Variants in NLGN4X observed in about 807,000 individuals in gnomAD.
NLGN4X encodes neuroligin-4, X-linked.
A neutral mutation model predicts 40.3 loss-of-function variants in NLGN4X; 3 were observed. That is an observed-to-expected ratio of 0.07 (90% CI 0.03 to 0.19). The LOEUF (loss-of-function observed/expected upper bound fraction) is 0.19. Among genes scored for constraint, NLGN4X ranks in the 10% least tolerant of loss-of-function variants. NLGN4X has a pLI of 1.00. For synonymous variants in NLGN4X, 270 were observed against 306.8 expected (o/e 0.88, Z 1.25); for missense variants, 382 against 708.3 (o/e 0.54, Z 5.23).
At chrX:6,033,403 C>G (rs1342911528) in intron 2 of NLGN4X, among the ~76,000 whole-genome samples, 1 of 112,316 alleles carries the variant, frequency 8.9e-6, no homozygotes, top group Non-Finnish European at 1.9e-5. Context: ...CCACTATTCA[C>G]TCTTGTTTTC....
At chrX:5,928,962 G>A (rs961658920) in intron 3 of NLGN4X, among the ~76,000 whole-genome samples, 19 of 109,147 alleles carry the variant, frequency 1.7e-4, no homozygotes, top group African/African-American at 6.0e-4. Flanking sequence ...TGGGACTATA[G>A]ACATGCACCA....
chrX:6,117,965 GA>G (rs1409894017), intron 2 of NLGN4X, among the ~76,000 whole-genome samples: 1 of 110,457 alleles, frequency 9.1e-6, no homozygotes, highest in Non-Finnish European at 1.9e-5. Flanking sequence ...AAAAAAAAAT[GA>G]AGCTTTCATA....
At chrX:5,909,862 T>C (rs2032399969) in intron 3 of NLGN4X, among the ~76,000 whole-genome samples, 1 of 111,298 alleles carries the variant, frequency 9.0e-6, no homozygotes, top group East Asian at 2.8e-4. Flanking sequence ...GCGAAAATAT[T>C]AGTCACATAC....
chrX:6,051,257 A>C (rs1005410043), intron 2 of NLGN4X, among the ~76,000 whole-genome samples: 24 of 112,126 alleles, frequency 2.1e-4, no homozygotes, highest in Non-Finnish European at 4.1e-4. Context: ...ACACAGCAAG[A>C]GATTAACTCT....
intron 2 of NLGN4X, among the ~76,000 whole-genome samples, chrX:6,139,753 C>T (rs1209558619): frequency 5.4e-5 from 6 of 112,040 alleles, no homozygotes; most frequent in Admixed American, 4.8e-4. Context: ...GGGGCTTTCC[C>T]ACTCACTTTT....
chrX:6,023,016 C>A (rs182238578), intron 3 of NLGN4X, among the ~76,000 whole-genome samples: 2 of 112,046 alleles, frequency 1.8e-5, no homozygotes, highest in African/African-American at 6.5e-5. Flanking sequence ...AGAAAGACAA[C>A]TTCAGAAGAC....
At chrX:5,958,817 T>C (rs954250381) in intron 3 of NLGN4X, among the ~76,000 whole-genome samples, 2 of 112,359 alleles carry the variant, frequency 1.8e-5, no homozygotes, top group Non-Finnish European at 3.8e-5. Context: ...TATCGCAGTT[T>C]TAATATAACC....
chrX:6,202,994 A>C (rs1923759610), intron 1 of NLGN4X, among the ~76,000 whole-genome samples: 1 of 111,972 alleles, frequency 8.9e-6, no homozygotes, highest in Non-Finnish European at 1.9e-5. Context: ...CATTTCCTCA[A>C]TCTCTACCAC....
chrX:6,079,043 G>A (rs955653301), intron 2 of NLGN4X, among the ~76,000 whole-genome samples: 4 of 111,711 alleles, frequency 3.6e-5, no homozygotes, highest in Non-Finnish European at 7.5e-5. Context: ...CTTTTGCCAT[G>A]ATTGTAAATT....
intron 2 of NLGN4X, among the ~76,000 whole-genome samples, chrX:6,140,035 T>C (rs1265296856): frequency 9.0e-6 from 1 of 111,332 alleles, no homozygotes; most frequent in African/African-American, 3.3e-5. Flanking sequence ...TGTTCCCTTG[T>C]TGAGTGAATG....
chrX:6,077,473 G>A (rs1393561431), intron 2 of NLGN4X, among the ~76,000 whole-genome samples: 1 of 109,793 alleles, frequency 9.1e-6, no homozygotes, highest in Non-Finnish European at 1.9e-5. Context: ...AATTTTTGTA[G>A]AGACGGGGTT....
intron 2 of NLGN4X, among the ~76,000 whole-genome samples, chrX:6,134,610 T>C (rs995721325): frequency 8.9e-6 from 1 of 112,597 alleles, no homozygotes; most frequent in African/African-American, 3.2e-5. Context: ...AAATATTCAC[T>C]GAGTGAATAA....
chrX:5,965,671 C>T (rs915211833), intron 3 of NLGN4X, among the ~76,000 whole-genome samples: 3 of 111,702 alleles, frequency 2.7e-5, no homozygotes, highest in African/African-American at 9.8e-5. Context: ...TCTTCCCAGC[C>T]ACACTCCTTA....
chrX:5,950,717 C>T (rs750596612), intron 3 of NLGN4X, among the ~76,000 whole-genome samples: 2 of 112,241 alleles, frequency 1.8e-5, no homozygotes, highest in South Asian at 3.7e-4. Context: ...TCATGGAAGA[C>T]GTTCAGCAGA....
At chrX:6,178,501 AACT>A (rs966243477) in intron 1 of NLGN4X, among the ~76,000 whole-genome samples, 1 of 112,048 alleles carries the variant, frequency 8.9e-6, no homozygotes, top group Non-Finnish European at 1.9e-5. Context: ...ATTTTCCAAC[AACT>A]ACTTCACTTC....
chrX:6,198,063 C>CAAA (rs555036899), intron 1 of NLGN4X, among the ~76,000 whole-genome samples: 4,757 of 94,535 alleles, frequency 0.05, 111 homozygotes, highest in Middle Eastern at 0.07. Flanking sequence ...AGCCCTGTCT[C>CAAA]AAAAAACAAA....
chrX:6,175,655 G>GAAA (rs3045369), intron 1 of NLGN4X, among the ~76,000 whole-genome samples: 19 of 60,990 alleles, frequency 3.1e-4, no homozygotes, highest in East Asian at 1.2e-3. Context: ...ATCTATTACA[G>GAAA]AAAAAAAAAA....
At chrX:5,989,300 G>A (rs1283758503) in intron 3 of NLGN4X, among the ~76,000 whole-genome samples, 1 of 111,075 alleles carries the variant, frequency 9.0e-6, no homozygotes, top group Non-Finnish European at 1.9e-5. Flanking sequence ...GCTCTGAAAC[G>A]TTTTAAAGTG....
At chrX:6,019,050 C>T (rs1460417393) in intron 3 of NLGN4X, among the ~76,000 whole-genome samples, 2 of 109,563 alleles carry the variant, frequency 1.8e-5, no homozygotes, top group East Asian at 2.8e-4. Flanking sequence ...ATATTTATAT[C>T]GCTAAATGCA....
Sources: allele counts gnomAD v4.1 joint callset (sites outside exome capture counted in the v4.1 genomes callset), GRCh38; gene constraint gnomAD v4.1.1; transcripts MANE v1.5; gene names NCBI Gene and HGNC (gene_info 2026-07-23, HGNC 2026-07-21).